RTRAF: variants seen among roughly 807,000 people sequenced by gnomAD.
The protein encoded by RTRAF is RNA transcription, translation and transport factor, also known as tRNA-splicing ligase complex subunit RTRAF.
Under a neutral mutation model 34.4 loss-of-function variants are expected in RTRAF, and 14 were observed. The ratio of observed to expected loss-of-function variants is 0.41; its 90% CI spans 0.27 to 0.64. RTRAF has a LOEUF of 0.64. Ranked by LOEUF, RTRAF falls within the 30% of genes least tolerant of loss-of-function variation. The pLI, the probability that RTRAF is intolerant of heterozygous loss-of-function variation, is 0.34. For missense variants in RTRAF, 291 were observed against 288.4 expected (o/e 1.01, Z -0.06); for synonymous variants, 96 against 95.3 (o/e 1.01, Z -0.04).
Position 51,989,678 on chromosome 14 carries a change from C to T in RTRAF, c.39C>T (p.Asn13=). Residue 13 remains asparagine (N), a synonymous_variant, in exon 1 of 8, where the codon AAC becomes AAT. Transcript: ENST00000261700. ...RRKLTALDYH[N]PAGFNCKDET... ...AGTTGACGGCTCTCGACTACCACAACCCCGCCGGCTTCAACTGCAAAGGTG... is the reference window on the plus strand; with the variant it reads ...AGTTGACGGCTCTCGACTACCACAATCCCGCCGGCTTCAACTGCAAAGGTG... The T allele has an allele frequency of 1.2e-6, 2 of 1,605,578 alleles. No individual in the cohort carries two copies. The highest frequency in any genetic ancestry group is 8.5e-7 in the Non-Finnish European group (1 of 1,176,484).
rs1172249899 is a variant in RTRAF at position 51,991,314 on chromosome 14, C to T, written c.62-3C>T. 1.2e-6 allele frequency: 2 copies of T among 1,611,502 alleles called. No homozygotes were observed. Among genetic ancestry groups the T allele is most frequent in the East Asian group, 4.5e-5 (2 of 44,780 alleles). On this transcript the variant is annotated splice_polypyrimidine_tract_variant and splice_region_variant and intron_variant, in intron 1 of 7. Coordinates refer to ENST00000261700, the MANE Select transcript of RTRAF (RefSeq NM_016039.3). ...GTTATTTATGTGATATTTTTTATTGCAGATGAAACAGAATTTAGAAACTTC... is the reference window on the plus strand; with the variant it reads ...GTTATTTATGTGATATTTTTTATTGTAGATGAAACAGAATTTAGAAACTTC...
rs1890799955 is a variant in RTRAF, at chr14:52,006,730, G to A, written c.*2214G>A. 16 of 1,516,830 alleles carry A rather than the reference G, an allele frequency of 1.1e-5. No homozygotes were observed. The highest frequency in any genetic ancestry group is 1.5e-5 in the Non-Finnish European group (16 of 1,097,982). The allele number at this position is 1,516,830 out of a possible 1,614,324, so 94.0% of individuals were successfully genotyped here. A position where few individuals can be genotyped will look rare whatever the true frequency, so the allele number is the denominator to read the frequency against. On this transcript the variant is annotated 3_prime_UTR_variant, in exon 8 of 8. Transcript: ENST00000261700. ...CAAAAATGATAGTGACATAGTGATA[G>A]TGACACAGTGATAGAATGGGGAAAT...
chr14:52,001,428 C>T lies in RTRAF; in HGVS notation c.463-370C>T, dbSNP rs541300612. 2.0e-4 allele frequency among the ~76,000 whole-genome samples: 31 copies of T among 152,188 alleles called. 1 individual carries two copies. The South Asian group carries it at 4.1e-3, about 20-fold the overall frequency. On this transcript the variant is annotated intron_variant, in intron 5 of 7. Transcript: ENST00000261700. ...AATGTGTATTCGTGCTAAGCATGCT[C>T]GTCATTTCGCAGTTTTAGTGAGGGT...
At chr14:51,993,668 C>A (rs1266070385) in intron 2 of RTRAF, 55 bp from the exon 3 acceptor site, 2 of 1,085,238 alleles carry the variant, frequency 1.8e-6, no homozygotes, top group Admixed American at 4.4e-5. Context: ...ATTCTTTTTT[C>A]TGTGACTTTA....
At chr14:52,002,183 G>T (rs1389699486) in intron 6 of RTRAF, among the ~76,000 whole-genome samples, 1 of 152,168 alleles carries the variant, frequency 6.6e-6, no homozygotes, top group Admixed American at 6.5e-5. Flanking sequence ...AAACTTACTG[G>T]ATTATTTTGA....
rs1357601331 is a variant in RTRAF at position 52,001,656 on chromosome 14, TTTTAA to T, written c.463-135_463-131del. 1.4e-5 allele frequency: 9 copies of T among 643,922 alleles called. No individual in the cohort carries two copies. In the Admixed American group the frequency reaches 3.2e-4, roughly 23 times the overall value. 39.9% of individuals were successfully genotyped at this position (643,922 alleles called of 1,614,324 possible). ...CGTTATATTAGTGGGTTTTTTTTAT[TTTTAA>T]TTTAATGGGGAGTTTATTAATGAAC... is the stretch of plus-strand genomic sequence containing the variant. On this transcript the variant is annotated intron_variant, in intron 5 of 7. Transcript: ENST00000261700.
Position 52,004,661 on chromosome 14 carries a change from T to TTGC in RTRAF, c.*147_*149dup. 1.4e-6 allele frequency: 1 copy of TTGC among 691,060 alleles called. No homozygotes were observed. The highest frequency in any genetic ancestry group is 2.3e-6 in the Non-Finnish European group (1 of 433,112). 42.8% of individuals were successfully genotyped at this position (691,060 alleles called of 1,614,324 possible). A position where few individuals can be genotyped will look rare whatever the true frequency, so the allele number is the denominator to read the frequency against. On this transcript the variant is annotated 3_prime_UTR_variant, in exon 8 of 8. Coordinates refer to ENST00000261700, the MANE Select transcript of RTRAF (RefSeq NM_016039.3). ...TCTAGAGATTTACCACCATTGCTTA[T>TTGC]TGCTTTTTTCTTTAATAAAGTTTAG...
At chr14:51,997,460 G>A (rs1374386149) in intron 3 of RTRAF, among the ~76,000 whole-genome samples, 1 of 151,848 alleles carries the variant, frequency 6.6e-6, no homozygotes, top group Non-Finnish European at 1.5e-5. Context: ...GATTTGGCCA[G>A]TGGAAGCCTT....
chr14:52,006,839 ATTCAAACT>A lies in RTRAF; in HGVS notation c.*2329_*2336del. 1.9e-6 allele frequency: 1 copy of A among 519,380 alleles called. No homozygotes were observed. Among genetic ancestry groups the A allele is most frequent in the East Asian group, 3.6e-5 (1 of 27,770 alleles). 32.2% of individuals were successfully genotyped at this position (519,380 alleles called of 1,614,324 possible). A position where few individuals can be genotyped will look rare whatever the true frequency, so the allele number is the denominator to read the frequency against. ...TACTAGTCTCCAGTTTTTAGTAGAG[ATTCAAACT>A]TTCAATCCTTTTTTGGAAGACAGGA... On this transcript the variant is annotated 3_prime_UTR_variant, in exon 8 of 8. Transcript: ENST00000261700.
chr14:52,007,220 G>C lies in RTRAF; in HGVS notation c.*2704G>C, dbSNP rs1484520848. On this transcript the variant is annotated 3_prime_UTR_variant, in exon 8 of 8. Coordinates refer to ENST00000261700, the MANE Select transcript of RTRAF (RefSeq NM_016039.3). The stretch of plus-strand genomic sequence containing the variant: ...CGATTTAAATTTCAAATCCTTTTAA[G>C]AAATGTAACTTGTTTTAAACAACTG... The C allele has an allele frequency of 6.5e-6, 1 of 154,008 alleles. No homozygotes were observed. Among genetic ancestry groups the C allele is most frequent in the Non-Finnish European group, 1.4e-5 (1 of 69,314 alleles). 9.5% of individuals were successfully genotyped at this position (154,008 alleles called of 1,614,324 possible).
chr14:51,992,723 A>G (rs375746243), intron 2 of RTRAF, among the ~76,000 whole-genome samples: 4 of 152,330 alleles, frequency 2.6e-5, no homozygotes, highest in East Asian at 1.9e-4. Context: ...GTAGAAAGGT[A>G]TCTGGAGAAT....
chr14:51,997,764 G>C (rs1390487343), intron 3 of RTRAF, among the ~76,000 whole-genome samples: 1 of 134,932 alleles, frequency 7.4e-6, no homozygotes, highest in Non-Finnish European at 1.6e-5. Flanking sequence ...TTTATGTACA[G>C]CATTCAAAAG....
Position 52,005,817 on chromosome 14 carries a change from C to G in RTRAF, c.*1301C>G. 6.2e-7 allele frequency: 1 copy of G among 1,613,526 alleles called. No homozygotes were observed. Among genetic ancestry groups the G allele is most frequent in the African/African-American group, 1.3e-5 (1 of 74,990 alleles). Reference sequence around the variant, plus strand: ...TGGGAGATACTCATCAGTAAACTGGCCACTATGTTTATTTACTGATACAAC... The same window carrying G: ...TGGGAGATACTCATCAGTAAACTGGGCACTATGTTTATTTACTGATACAAC... On this transcript the variant is annotated 3_prime_UTR_variant, in exon 8 of 8. Transcript: ENST00000261700.
chr14:52,005,837 TACAAC>T lies in RTRAF; in HGVS notation c.*1324_*1328del. ...ACTGGCCACTATGTTTATTTACTGA[TACAAC>T]ACCATCCCTGGTAACAGAAAGGAAG... On this transcript the variant is annotated 3_prime_UTR_variant, in exon 8 of 8. Transcript: ENST00000261700. 1 of 1,609,126 alleles carries T rather than the reference TACAAC, an allele frequency of 6.2e-7. No individual in the cohort carries two copies. The highest frequency in any genetic ancestry group is 8.5e-7 in the Non-Finnish European group (1 of 1,175,466).
At position 52,005,818 on chromosome 14, in the gene RTRAF, C is replaced by CAGTTT; in HGVS notation, c.*1303_*1304insGTTTA. 1 of 1,613,468 alleles carries CAGTTT rather than the reference C, an allele frequency of 6.2e-7. No individual in the cohort carries two copies. Among genetic ancestry groups the CAGTTT allele is most frequent in the Non-Finnish European group, 8.5e-7 (1 of 1,179,478 alleles). On this transcript the variant is annotated 3_prime_UTR_variant, in exon 8 of 8. Coordinates refer to ENST00000261700, the MANE Select transcript of RTRAF (RefSeq NM_016039.3). ...GGGAGATACTCATCAGTAAACTGGC[C>CAGTTT]ACTATGTTTATTTACTGATACAACA...
chr14:52,006,023 C>T lies in RTRAF; in HGVS notation c.*1507C>T, dbSNP rs367688702. 6 of 596,234 alleles carry T rather than the reference C, an allele frequency of 1.0e-5. No homozygotes were observed. The highest frequency in any genetic ancestry group is 1.5e-5 in the Non-Finnish European group (5 of 329,862). 36.9% of individuals were successfully genotyped at this position (596,234 alleles called of 1,614,324 possible). On this transcript the variant is annotated 3_prime_UTR_variant, in exon 8 of 8. Coordinates refer to ENST00000261700, the MANE Select transcript of RTRAF (RefSeq NM_016039.3). Reference sequence around the variant, plus strand: ...AGACCATTGCTCTAAATCCATTGCTCATCTCTAGCTGCATGTTAGAATCAC... The same window carrying T: ...AGACCATTGCTCTAAATCCATTGCTTATCTCTAGCTGCATGTTAGAATCAC...
chr14:52,003,540 A>C (rs915918383), intron 6 of RTRAF, among the ~76,000 whole-genome samples: 1 of 152,170 alleles, frequency 6.6e-6, no homozygotes, highest in African/African-American at 2.4e-5. Flanking sequence ...ATTTTATATA[A>C]TCAGCAGGAA....
intron 6 of RTRAF, chr14:52,003,911 A>G (rs1001525846): frequency 3.2e-5 from 12 of 377,166 alleles, no homozygotes; most frequent in Non-Finnish European, 5.2e-5. Flanking sequence ...GCACTGCTGC[A>G]ATAAGGATAT....
At position 52,006,562 on chromosome 14, in the gene RTRAF, G is replaced by A. The variant is rs139599501; in HGVS notation, c.*2046G>A. The A allele has an allele frequency of 2.9e-4, 464 of 1,613,754 alleles. 1 individual carries two copies. In the African/African-American group the frequency reaches 5.3e-3, roughly 18 times the overall value. ...CTCCTCCAGTCTGTGTGGTAGAAGT[G>A]ATCTGCATAGCTTACGATGCTGAAG... On this transcript the variant is annotated 3_prime_UTR_variant, in exon 8 of 8. Coordinates refer to ENST00000261700, the MANE Select transcript of RTRAF (RefSeq NM_016039.3).
Sources: gnomAD v4.1 joint callset for allele counts (sites outside exome capture counted in the v4.1 genomes callset) on GRCh38, gnomAD v4.1.1 for gene constraint, MANE v1.5 for transcripts, NCBI Gene and HGNC (gene_info 2026-07-23, HGNC 2026-07-21) for gene names.